RUVBL1: variants seen among roughly 807,000 people sequenced by gnomAD.
RUVBL1 encodes RuvB like AAA ATPase 1.
RUVBL1 carries 4 observed loss-of-function variants against 52.4 expected under a neutral mutation model. The ratio of observed to expected loss-of-function variants is 0.08; its 90% CI spans 0.04 to 0.17. RUVBL1 has a LOEUF of 0.17. RUVBL1 is among the 10% of genes least tolerant of loss of function. The pLI is 1.00. For missense variants in RUVBL1, 298 were observed against 572.8 expected, an observed-to-expected ratio of 0.52 and a Z score of 4.90; for synonymous variants, 217 against 214.4, an observed-to-expected ratio of 1.01 and a Z score of -0.10.
chr3:128,129,324 G>T (rs929067896), intron 1 of RUVBL1, among the ~76,000 whole-genome samples: 1 of 152,152 alleles, frequency 6.6e-6, no homozygotes, highest in Non-Finnish European at 1.5e-5. Flanking sequence ...AGGTCAAGAA[G>T]AAATCATAAG....
At chr3:128,145,915 T>C (rs1459788942) in intron 1 of RUVBL1, among the ~76,000 whole-genome samples, 1 of 152,196 alleles carries the variant, frequency 6.6e-6, no homozygotes, top group Non-Finnish European at 1.5e-5. Flanking sequence ...ATAACATTTA[T>C]TGAGCACCAC....
intron 8 of RUVBL1, among the ~76,000 whole-genome samples, chr3:128,089,037 G>A (rs966965965): frequency 2.6e-5 from 4 of 152,288 alleles, no homozygotes; most frequent in East Asian, 1.9e-4. Context: ...TAGCACTACC[G>A]AGTATTCTCA....
intron 1 of RUVBL1, among the ~76,000 whole-genome samples, chr3:128,144,997 G>A (rs779816369): frequency 1.3e-5 from 2 of 152,122 alleles, no homozygotes; most frequent in African/African-American, 4.8e-5. Context: ...TCATTGTGAG[G>A]GGGGAGCCTG....
intron 8 of RUVBL1, among the ~76,000 whole-genome samples, chr3:128,092,035 C>G (rs941686926): frequency 6.6e-6 from 1 of 152,152 alleles, no homozygotes; most frequent in African/African-American, 2.4e-5. Context: ...AGTGGACACA[C>G]AGTAAGAGTG....
intron 1 of RUVBL1, among the ~76,000 whole-genome samples, chr3:128,146,647 T>A (rs1333143976): frequency 6.6e-6 from 1 of 151,002 alleles, no homozygotes; most frequent in Non-Finnish European, 1.5e-5. Flanking sequence ...TGTATGCGTG[T>A]GTGTCTCATG....
intron 3 of RUVBL1, among the ~76,000 whole-genome samples, chr3:128,107,951 AC>A (rs573223876): frequency 3.5e-4 from 53 of 152,348 alleles, no homozygotes; most frequent in African/African-American, 1.2e-3. Flanking sequence ...CCCGTCTCTC[AC>A]TAGCCCCCAC....
intron 1 of RUVBL1, among the ~76,000 whole-genome samples, chr3:128,147,947 C>T (rs1228575742): frequency 3.9e-5 from 6 of 152,198 alleles, no homozygotes; most frequent in Non-Finnish European, 8.8e-5. Context: ...TACACAACAA[C>T]ATGGATAAAT....
At chr3:128,146,610 CTG>C (rs201020701) in intron 1 of RUVBL1, among the ~76,000 whole-genome samples, 2,407 of 149,858 alleles carry the variant, frequency 0.016, 31 homozygotes, top group South Asian at 0.03. Flanking sequence ...TTGCCTGCCG[CTG>C]TGTGCACGTC....
At chr3:128,135,447 C>T (rs956199997) in intron 1 of RUVBL1, among the ~76,000 whole-genome samples, 3 of 152,174 alleles carry the variant, frequency 2.0e-5, no homozygotes, top group East Asian at 1.9e-4. Context: ...GCAGGAGAAT[C>T]GCTTGAACCC....
chr3:128,105,467 A>C (rs978214409), intron 3 of RUVBL1, among the ~76,000 whole-genome samples: 1 of 152,162 alleles, frequency 6.6e-6, no homozygotes, highest in Non-Finnish European at 1.5e-5. Context: ...ATCCAGAACT[A>C]GATAGACAAG....
At chr3:128,151,020 A>ATTC in intron 1 of RUVBL1, among the ~76,000 whole-genome samples, 1 of 97,160 alleles carries the variant, frequency 1.0e-5, no homozygotes, top group African/African-American at 4.3e-5. Flanking sequence ...TATATTATAT[A>ATTC]TATAATATAT....
intron 2 of RUVBL1, among the ~76,000 whole-genome samples, chr3:128,113,250 C>T (rs886473168): frequency 2.0e-5 from 3 of 152,234 alleles, no homozygotes; most frequent in Non-Finnish European, 4.4e-5. Context: ...CAGACTTACC[C>T]AGTGCAGGCC....
In RUVBL1 at chr3:128,068,059, G is replaced by A. The variant is rs1559799361; in HGVS notation, c.940-2839C>T. 1.9e-6 allele frequency: 3 copies of A among 1,612,810 alleles called. No homozygotes were observed. The highest frequency in any genetic ancestry group is 1.3e-5 in the African/African-American group (1 of 74,810). On this transcript the variant is annotated intron_variant, in intron 9 of 9. Transcript: ENST00000464873. ...ACCTCCATGGTCCATGAACTCAACCGGTGAGTGGTGGCCCCAGGTCCCCAA... is the reference window on the plus strand; with the variant it reads ...ACCTCCATGGTCCATGAACTCAACCAGTGAGTGGTGGCCCCAGGTCCCCAA...
chr3:128,068,082 C>T (rs1942039341), intron 9 of RUVBL1: 10 of 1,596,752 alleles, frequency 6.3e-6, no homozygotes, highest in Non-Finnish European at 8.6e-6. Context: ...CCCAGGTCCC[C>T]AACCTCCCGT....
chr3:128,092,397 T>G (rs1443151805), intron 8 of RUVBL1, among the ~76,000 whole-genome samples: 2 of 151,402 alleles, frequency 1.3e-5, no homozygotes, highest in African/African-American at 2.4e-5. Flanking sequence ...CAAAAGACAC[T>G]ATCAAGAAAC....
upstream of RUVBL1, chr3:128,123,968 G>A (rs1411977039): frequency 1.7e-6 from 2 of 1,206,206 alleles, no homozygotes; most frequent in Admixed American, 4.0e-5. Flanking sequence ...TTCCCCCGTA[G>A]CCGGCGCTTC....
chr3:128,095,764 T>C (rs1311706745), intron 8 of RUVBL1, among the ~76,000 whole-genome samples: 1 of 152,122 alleles, frequency 6.6e-6, no homozygotes, highest in Non-Finnish European at 1.5e-5. Flanking sequence ...TAATTATTTT[T>C]AGAGATGAGG....
downstream of RUVBL1, among the ~76,000 whole-genome samples, chr3:128,080,121 G>A (rs999958052): frequency 2.6e-5 from 4 of 152,186 alleles, no homozygotes; most frequent in African/African-American, 4.8e-5. Flanking sequence ...CTTAGTGGGC[G>A]AACGCAGAGA....
intron 1 of RUVBL1, among the ~76,000 whole-genome samples, chr3:128,122,191 C>G (rs1943666218): frequency 6.6e-6 from 1 of 152,232 alleles, no homozygotes; most frequent in African/African-American, 2.4e-5. Flanking sequence ...CTCTATGAAC[C>G]AGAATTTCCT....
Sources: allele counts gnomAD v4.1 joint callset (sites outside exome capture counted in the v4.1 genomes callset), GRCh38; gene constraint gnomAD v4.1.1; transcripts MANE v1.5; gene names NCBI Gene and HGNC (gene_info 2026-07-23, HGNC 2026-07-21).